The following SNTG1 variants were observed in gnomAD, a reference collection of about 807,000 sequenced individuals.
SNTG1 encodes the protein syntrophin gamma 1.
Under a neutral mutation model 74.7 loss-of-function variants are expected in SNTG1, and 39 were observed. The ratio of observed to expected loss-of-function variants is 0.52; its 90% confidence interval spans 0.40 to 0.68. The LOEUF is 0.68. Among genes scored for constraint, SNTG1 ranks in the 30% least tolerant of loss-of-function variants. The probability of loss-of-function intolerance (pLI) is 0.00; values close to 1 mark genes in which losing one functional copy is unlikely to be tolerated. For missense variants in SNTG1, 685 were observed against 609.5 expected (o/e 1.12, Z -1.30); for synonymous variants, 254 against 217.1 (o/e 1.17, Z -1.49).
chr8:50,364,787 C>G (rs1297973770), intron 2 of SNTG1, among the ~76,000 whole-genome samples: 2 of 151,994 alleles, frequency 1.3e-5, no homozygotes, highest in African/African-American at 4.8e-5. Context: ...GGTCAGCAAA[C>G]TATTTCTTGT....
chr8:50,071,528 G>A (rs1005070288), intron 1 of SNTG1, among the ~76,000 whole-genome samples: 2 of 151,842 alleles, frequency 1.3e-5, no homozygotes, highest in Non-Finnish European at 2.9e-5. Context: ...GCCCAGGCTG[G>A]AGTGCAATGG....
intron 2 of SNTG1, among the ~76,000 whole-genome samples, chr8:50,216,211 G>A (rs981372517): frequency 3.3e-5 from 5 of 152,090 alleles, no homozygotes; most frequent in African/African-American, 1.2e-4. Flanking sequence ...AAAAGGATAG[G>A]AACATTTGTA....
chr8:50,082,489 T>C (rs181541382), intron 1 of SNTG1, among the ~76,000 whole-genome samples: 1 of 152,308 alleles, frequency 6.6e-6, no homozygotes, highest in African/African-American at 2.4e-5. Flanking sequence ...TGTTTATTTA[T>C]CTGCTCCTAT....
chr8:50,757,766 C>T (rs1344377696), intron 18 of SNTG1, among the ~76,000 whole-genome samples: 2 of 151,852 alleles, frequency 1.3e-5, no homozygotes, highest in Non-Finnish European at 2.9e-5. Flanking sequence ...TTTAGTCTTC[C>T]ATGTTTTACA....
chr8:50,441,264 A>C (rs957247627), intron 5 of SNTG1, among the ~76,000 whole-genome samples: 6 of 152,194 alleles, frequency 3.9e-5, no homozygotes, highest in Admixed American at 2.6e-4. Flanking sequence ...GTCTCTCTCA[A>C]GCCCTGTCTC....
chr8:50,782,883 G>C (rs1363413777), intron 18 of SNTG1, among the ~76,000 whole-genome samples: 2 of 151,942 alleles, frequency 1.3e-5, no homozygotes, highest in East Asian at 3.9e-4. Flanking sequence ...GGGTTTTTGG[G>C]GTGGATGTCC....
intron 1 of SNTG1, among the ~76,000 whole-genome samples, chr8:50,064,638 C>T (rs924269685): frequency 6.6e-6 from 1 of 152,210 alleles, no homozygotes; most frequent in Non-Finnish European, 1.5e-5. Context: ...GCCTACACCT[C>T]CAACCTCATT....
chr8:50,106,107 T>A lies in SNTG1; in HGVS notation c.-102-66454T>A, dbSNP rs1046234331. Among the ~76,000 whole-genome samples, 20 of 152,158 alleles carry A rather than the reference T, an allele frequency of 1.3e-4. 1 individual carries two copies. Among genetic ancestry groups the A allele is most frequent in the Admixed American group, 2.6e-4 (4 of 15,254 alleles). On this transcript the variant is annotated intron_variant, in intron 1 of 18. Transcript: ENST00000642720. ...ACTGCTATAAATAACTACCTGGGAC[T>A]GGTTAATCTATGAAGAAAAGAATTT...
chr8:50,528,164 C>G (rs1297310810), intron 9 of SNTG1, among the ~76,000 whole-genome samples: 1 of 151,852 alleles, frequency 6.6e-6, no homozygotes, highest in Non-Finnish European at 1.5e-5. Context: ...CTAAGACTTC[C>G]ATTTTTATTT....
At chr8:50,161,522 C>A (rs1302731621) in intron 1 of SNTG1, among the ~76,000 whole-genome samples, 1 of 152,026 alleles carries the variant, frequency 6.6e-6, no homozygotes, top group Non-Finnish European at 1.5e-5. Context: ...GGCTAACTTT[C>A]AGTGTCCATG....
At chr8:50,676,641 A>G (rs921881206) in intron 15 of SNTG1, among the ~76,000 whole-genome samples, 1 of 151,714 alleles carries the variant, frequency 6.6e-6, no homozygotes, top group African/African-American at 2.4e-5. Flanking sequence ...ACACCTATTT[A>G]TTATCTTTCT....
intron 10 of SNTG1, among the ~76,000 whole-genome samples, chr8:50,533,051 A>T (rs1013605006): frequency 6.6e-6 from 1 of 152,228 alleles, no homozygotes; most frequent in African/African-American, 2.4e-5. Context: ...ATAAAAATAT[A>T]ATCTATTCCT....
At chr8:50,154,485 G>A (rs1048938125) in intron 1 of SNTG1, among the ~76,000 whole-genome samples, 1 of 152,158 alleles carries the variant, frequency 6.6e-6, no homozygotes, top group Non-Finnish European at 1.5e-5. Context: ...GGGTACCTCA[G>A]TTGGAAGTGC....
rs187852723 is a variant in SNTG1, at chr8:50,592,353, C to T, written c.849+1436C>T. On this transcript the variant is annotated intron_variant, in intron 13 of 18. Coordinates refer to ENST00000642720, the MANE Select transcript of SNTG1 (RefSeq NM_018967.5). ...GAATGACTCTAGAGCTGTGTCGTCACCCTCTCATGCCCTTTCTAAACTCAA... is the reference window on the plus strand; with the variant it reads ...GAATGACTCTAGAGCTGTGTCGTCATCCTCTCATGCCCTTTCTAAACTCAA... Among the ~76,000 whole-genome samples, 29 of 152,226 alleles carry T rather than the reference C, an allele frequency of 1.9e-4. No individual in the cohort carries two copies. In the East Asian group the frequency reaches 4.3e-3, roughly 22 times the overall value.
intron 12 of SNTG1, among the ~76,000 whole-genome samples, chr8:50,585,435 A>C (rs1479377111): frequency 6.6e-6 from 1 of 152,188 alleles, no homozygotes; most frequent in African/African-American, 2.4e-5. Context: ...CCTTTATTTT[A>C]GTCAAAATTA....
chr8:50,254,952 T>G (rs2086814729), intron 2 of SNTG1, among the ~76,000 whole-genome samples: 1 of 137,220 alleles, frequency 7.3e-6, no homozygotes, highest in Non-Finnish European at 1.7e-5. Context: ...TTGCCACTTT[T>G]TTTTTTTTTT....
chr8:49,947,565 A>G (rs537004898), intron 1 of SNTG1, among the ~76,000 whole-genome samples: 8 of 152,300 alleles, frequency 5.3e-5, no homozygotes, highest in African/African-American at 1.9e-4. Context: ...ATGTATTCTA[A>G]TATCACAAAG....
intron 1 of SNTG1, among the ~76,000 whole-genome samples, chr8:50,079,411 T>TG (rs200136971): frequency 2.1e-4 from 18 of 87,148 alleles, no homozygotes; most frequent in African/African-American, 7.8e-4. Flanking sequence ...GGGTTGTTTG[T>TG]TTTTTTTTTT....
At chr8:49,958,165 G>A (rs185997397) in intron 1 of SNTG1, among the ~76,000 whole-genome samples, 38 of 152,220 alleles carry the variant, frequency 2.5e-4, no homozygotes, top group African/African-American at 8.4e-4. Context: ...CTCCAAGGAA[G>A]ATGCAGAGGC....
Sources: allele counts gnomAD v4.1 joint callset (sites outside exome capture counted in the v4.1 genomes callset), GRCh38; gene constraint gnomAD v4.1.1; transcripts MANE v1.5; gene names NCBI Gene and HGNC (gene_info 2026-07-23, HGNC 2026-07-21).